Variants in MAPK4 observed in about 807,000 individuals in gnomAD.
MAPK4 encodes the protein Erk3-related.
Under a neutral mutation model 47.7 loss-of-function variants are expected in MAPK4, and 22 were observed. That is an observed-to-expected ratio of 0.46 (90% CI 0.33 to 0.66). The LOEUF is 0.66. Ranked by LOEUF, MAPK4 falls within the 30% of genes least tolerant of loss-of-function variation. The pLI is 0.02. For synonymous variants in MAPK4, 390 were observed against 365.7 expected (o/e 1.07, Z -0.76); for missense variants, 736 against 831.7 (o/e 0.88, Z 1.42).
chr18:50,722,891 C>G (rs1426271684), intron 4 of MAPK4, among the ~76,000 whole-genome samples: 1 of 152,110 alleles, frequency 6.6e-6, no homozygotes, highest in Non-Finnish European at 1.5e-5. Flanking sequence ...CTTCCAGAAC[C>G]CCTGGGGCTC....
chr18:50,673,175 G>T (rs1598894942), intron 2 of MAPK4, among the ~76,000 whole-genome samples: 1 of 152,224 alleles, frequency 6.6e-6, no homozygotes, highest in Admixed American at 6.5e-5. Context: ...TACTTGGGAG[G>T]CTGAGCCAGA....
intron 2 of MAPK4, among the ~76,000 whole-genome samples, chr18:50,683,283 C>A (rs1908685352): frequency 6.6e-6 from 1 of 152,014 alleles, no homozygotes; most frequent in Non-Finnish European, 1.5e-5. Flanking sequence ...CCATGCCCAG[C>A]TAATTTTTAT....
Position 50,729,603 on chromosome 18 carries a change from G to GAGC in MAPK4, c.1515_1517dup (p.Glu505_His506insGln), listed in dbSNP as rs1417651297. The stretch of plus-strand genomic sequence containing the variant: ...GGTCAAGAGCACGCAGGGCGGCCCA[G>GAGC]AGCACGCCAGCCCGCCCGCCGACGA... On this transcript the variant is annotated inframe_insertion, in exon 6 of 6. Transcript: ENST00000400384. 7.2e-7 allele frequency: 1 copy of GAGC among 1,381,538 alleles called. No homozygotes were observed. The highest frequency in any genetic ancestry group is 1.5e-5 in the African/African-American group (1 of 65,066). 85.6% of individuals were successfully genotyped at this position (1,381,538 alleles called of 1,614,324 possible).
chr18:50,724,696 CCTT>C (rs1214588874), intron 4 of MAPK4, among the ~76,000 whole-genome samples: 2 of 152,236 alleles, frequency 1.3e-5, no homozygotes. Flanking sequence ...AGGCCAGTGA[CCTT>C]CTGAATCCAT....
chr18:50,729,335 C>A lies in MAPK4; in HGVS notation c.1245C>A (p.Ser415=), dbSNP rs1911394639. Residue 415 remains serine (S), a synonymous_variant, in exon 6 of 6, where the codon TCC becomes TCA. Coordinates refer to ENST00000400384, the MANE Select transcript of MAPK4 (RefSeq NM_002747.4). ...SERFLEQSHS[S]MERAFEADYG... ...GCTTCCTAGAGCAGTCGCACTCGTC[C>A]ATGGAGCGCGCCTTCGAGGCCGACT... is the stretch of plus-strand genomic sequence containing the variant. The A allele has an allele frequency of 6.3e-7, 1 of 1,592,634 alleles. No homozygotes were observed. Among genetic ancestry groups the A allele is most frequent in the South Asian group, 1.1e-5 (1 of 89,488 alleles).
At chr18:50,712,333 G>A (rs974006690) in intron 2 of MAPK4, among the ~76,000 whole-genome samples, 43 of 152,116 alleles carry the variant, frequency 2.8e-4, no homozygotes, top group African/African-American at 1.0e-3. Context: ...AGGCTGAGGT[G>A]GGAGGGTCCC....
At position 50,664,010 on chromosome 18, in the gene MAPK4, G is replaced by A. The variant is rs1237683118; in HGVS notation, c.52G>A (p.Gly18Arg). ...CAGTGTCTATGGGTATGACCTCGGT[G>A]GGCGCTTTGTTGACTTCCAACCCCT... is the stretch of plus-strand genomic sequence containing the variant. ...IASVYGYDLG[G>R]RFVDFQPLGF... The change falls in exon 2 of 6, where the codon GGG becomes AGG. Residue 18 changes from glycine to arginine, a missense_variant. By Grantham distance (125) the Gly-to-Arg change is moderately radical (BLOSUM62 -2). This residue lies in a region of MAPK4 where 327 missense variants were observed against 395.4 expected (regional missense o/e 0.83). Coordinates refer to ENST00000400384, the MANE Select transcript of MAPK4 (RefSeq NM_002747.4). This position sits in a 1 kb window ranked among gnomAD's most constrained non-coding sequence, Gnocchi z 6.0. The A allele has an allele frequency of 1.2e-6, 2 of 1,613,730 alleles. No individual in the cohort carries two copies. Among genetic ancestry groups the A allele is most frequent in the South Asian group, 2.2e-5 (2 of 91,072 alleles).
chr18:50,720,980 G>A (rs1201686670), intron 3 of MAPK4, among the ~76,000 whole-genome samples: 2 of 152,228 alleles, frequency 1.3e-5, no homozygotes, highest in African/African-American at 4.8e-5. Flanking sequence ...CAAGGGGAGG[G>A]CCCTCTGTGC....
chr18:50,694,157 C>T (rs1011497294), intron 2 of MAPK4, among the ~76,000 whole-genome samples: 2 of 152,158 alleles, frequency 1.3e-5, no homozygotes, highest in Non-Finnish European at 2.9e-5. Flanking sequence ...GTGCATACTG[C>T]GGTAAATCTG....
At chr18:50,675,386 G>A (rs12327000) in intron 2 of MAPK4, among the ~76,000 whole-genome samples, 5,497 of 150,620 alleles carry the variant, frequency 0.036, 144 homozygotes, top group African/African-American at 0.066. Flanking sequence ...GTGCAGTCTC[G>A]GCTCACTGCA....
At chr18:50,714,973 G>T (rs1392651545) in intron 2 of MAPK4, 106 bp from the exon 3 acceptor site, 7 of 1,113,376 alleles carry the variant, frequency 6.3e-6, no homozygotes, top group Non-Finnish European at 9.2e-6. Context: ...AGAATGAAAG[G>T]GACCCTGAAA....
At chr18:50,692,984 G>A (rs1013929498) in intron 2 of MAPK4, among the ~76,000 whole-genome samples, 24 of 152,272 alleles carry the variant, frequency 1.6e-4, no homozygotes, top group Middle Eastern at 3.4e-3. Flanking sequence ...GGCTAGGCAC[G>A]GTGGCTCACG....
At chr18:50,632,016 G>A (rs962234325) in intron 1 of MAPK4, among the ~76,000 whole-genome samples, 7 of 152,276 alleles carry the variant, frequency 4.6e-5, no homozygotes, top group South Asian at 2.1e-4. Context: ...CTGTTGGCAC[G>A]TGTGGGTGGC....
chr18:50,688,889 T>TAAAAAAAAAAAA (rs35330620), intron 2 of MAPK4, among the ~76,000 whole-genome samples: 3 of 115,912 alleles, frequency 2.6e-5, no homozygotes, highest in East Asian at 2.6e-4. Flanking sequence ...CCTATGGAAA[T>TAAAAAAAAAAAA]AAAAAAAAAA....
At position 50,677,397 on chromosome 18, in the gene MAPK4, T is replaced by C. The variant is rs141327334; in HGVS notation, c.546+12893T>C. 4.7e-3 allele frequency among the ~76,000 whole-genome samples: 720 copies of C among 152,328 alleles called. 6 individuals carry two copies. The highest frequency in any genetic ancestry group is 0.016 in the African/African-American group (661 of 41,576). Reference sequence around the variant, plus strand: ...CAGGTGGGAAGTTGGGAAAGTTTGCTGCAACAGTTTACCCATTGCAAAAAG... The same window carrying C: ...CAGGTGGGAAGTTGGGAAAGTTTGCCGCAACAGTTTACCCATTGCAAAAAG... On this transcript the variant is annotated intron_variant, in intron 2 of 5. Coordinates refer to ENST00000400384, the MANE Select transcript of MAPK4 (RefSeq NM_002747.4).
intron 2 of MAPK4, among the ~76,000 whole-genome samples, chr18:50,710,343 C>T (rs936577004): frequency 1.8e-4 from 28 of 152,004 alleles, no homozygotes; most frequent in Admixed American, 1.2e-3. Flanking sequence ...ATTAGCCAAG[C>T]GTGGTGGCGT....
At chr18:50,688,909 A>AT (rs1909046974) in intron 2 of MAPK4, among the ~76,000 whole-genome samples, 1 of 151,062 alleles carries the variant, frequency 6.6e-6, no homozygotes, top group Non-Finnish European at 1.5e-5. Context: ...AAAAAAAAAA[A>AT]AGAAAGACAG....
At chr18:50,715,887 C>T (rs1910608260) in intron 3 of MAPK4, among the ~76,000 whole-genome samples, 1 of 152,160 alleles carries the variant, frequency 6.6e-6, no homozygotes, top group Non-Finnish European at 1.5e-5. Flanking sequence ...TTAGCCCCTT[C>T]CTCCTCCCTC....
At chr18:50,651,502 G>T (rs935343895) in intron 1 of MAPK4, among the ~76,000 whole-genome samples, 5 of 152,326 alleles carry the variant, frequency 3.3e-5, no homozygotes, top group Middle Eastern at 3.4e-3. Flanking sequence ...AGAACAAGGA[G>T]CCAAGTGCAA....
Sources: gnomAD v4.1 joint callset for allele counts (sites outside exome capture counted in the v4.1 genomes callset) on GRCh38, gnomAD v4.1.1 for gene constraint, gnomAD v4.1.1 regional missense constraint, Gnocchi (gnomAD v3.1) non-coding constraint, MANE v1.5 for transcripts, NCBI Gene and HGNC (gene_info 2026-07-23, HGNC 2026-07-21) for gene names.